Variants in HTR4 observed in about 807,000 individuals in gnomAD.
HTR4 encodes the protein 5-hydroxytryptamine receptor 4, also known as 5-hydroxytryptamine (serotonin) receptor 4, G protein-coupled.
Under a neutral mutation model 36.8 loss-of-function variants are expected in HTR4, and 16 were observed. That is an observed-to-expected ratio of 0.43 (90% CI 0.29 to 0.66). HTR4 has a LOEUF of 0.66. HTR4 is among the 30% of genes least tolerant of loss of function. HTR4 has a pLI of 0.13. For missense variants in HTR4, 438 were observed against 490.9 expected (o/e 0.89, Z 1.02); for synonymous variants, 189 against 185.1 (o/e 1.02, Z -0.17).
At chr5:148,479,807 T>C (rs1755818316), downstream of HTR4, among the ~76,000 whole-genome samples, 2 of 152,242 alleles carry the variant, frequency 1.3e-5, no homozygotes, top group African/African-American at 4.8e-5. Flanking sequence ...ACATGTACTT[T>C]ATATGTTGAT....
intron 6 of HTR4, among the ~76,000 whole-genome samples, chr5:148,504,729 A>G (rs977755251): frequency 1.3e-5 from 2 of 152,112 alleles, no homozygotes; most frequent in African/African-American, 2.4e-5. Flanking sequence ...AAGATCAACA[A>G]AATTGATAGA....
At position 148,638,867 on chromosome 5, in the gene HTR4, C is replaced by T. The variant is rs983283985; in HGVS notation, c.-47-1806G>A. On this transcript the variant is annotated intron_variant, in intron 1 of 6. Transcript: ENST00000377888. ...CCCAGGAGTTTGAGACCAGCCTGGG[C>T]AACGTGGCAAAACCCCATCTCCACA... 2.6e-5 allele frequency among the ~76,000 whole-genome samples: 4 copies of T among 152,114 alleles called. No homozygotes were observed. In the East Asian group the frequency reaches 5.8e-4, roughly 22 times the overall value.
intron 2 of HTR4, among the ~76,000 whole-genome samples, chr5:148,627,211 C>T (rs1041677958): frequency 6.6e-6 from 1 of 152,196 alleles, no homozygotes; most frequent in South Asian, 2.1e-4. Context: ...ATGCTTCCTA[C>T]ATGCCTAACA....
At chr5:148,622,697 T>A (rs1752957902) in intron 2 of HTR4, among the ~76,000 whole-genome samples, 1 of 152,246 alleles carries the variant, frequency 6.6e-6, no homozygotes, top group African/African-American at 2.4e-5. Flanking sequence ...TAAGTTGGGT[T>A]AATGATACTT....
intron 1 of HTR4, among the ~76,000 whole-genome samples, chr5:148,652,298 G>C (rs1754063425): frequency 2.0e-5 from 3 of 152,192 alleles, no homozygotes; most frequent in East Asian, 1.9e-4. Context: ...GGCAGCTACT[G>C]ATGAAGGAAG....
intron 2 of HTR4, among the ~76,000 whole-genome samples, chr5:148,597,478 G>C (rs1239379701): frequency 1.3e-5 from 2 of 152,076 alleles, no homozygotes; most frequent in East Asian, 3.9e-4. Context: ...AGCTACCAAA[G>C]TCCCTAATGC....
At chr5:148,476,696 A>AG (rs1247756234), downstream of HTR4, 1 of 1,610,018 alleles carries the variant, frequency 6.2e-7, no homozygotes, top group Admixed American at 1.7e-5. Flanking sequence ...GGCACTAAGA[A>AG]AAAAAAATGA....
At chr5:148,567,070 C>G (rs1298978099) in intron 2 of HTR4, among the ~76,000 whole-genome samples, 1 of 152,042 alleles carries the variant, frequency 6.6e-6, no homozygotes, top group Non-Finnish European at 1.5e-5. Context: ...ATTAAACTTA[C>G]TAATTGGCGT....
chr5:148,503,819 C>CA lies in HTR4; in HGVS notation c.1076+5636dup, dbSNP rs757010518. ...GAAGATCTACCAAGCAACTGGAAAACAAAAAAAAGGCAGGGCTTGCAATCC... is the reference window on the plus strand; with the variant it reads ...GAAGATCTACCAAGCAACTGGAAAACAAAAAAAAAGGCAGGGCTTGCAATCC... On this transcript the variant is annotated intron_variant, in intron 6 of 6. Coordinates refer to ENST00000377888, the MANE Select transcript of HTR4 (RefSeq NM_000870.7). Among the ~76,000 whole-genome samples, 445 of 150,974 alleles carry CA rather than the reference C, an allele frequency of 2.9e-3. 1 individual carries two copies. Among genetic ancestry groups the CA allele is most frequent in the Non-Finnish European group, 3.7e-3 (247 of 67,666 alleles).
At chr5:148,525,689 C>T (rs1758235875) in intron 4 of HTR4, among the ~76,000 whole-genome samples, 1 of 152,162 alleles carries the variant, frequency 6.6e-6, no homozygotes, top group Admixed American at 6.6e-5. Context: ...CCTTAGCTCT[C>T]TCTTTAAATA....
chr5:148,497,931 A>G (rs1756759965), intron 6 of HTR4, among the ~76,000 whole-genome samples: 1 of 152,250 alleles, frequency 6.6e-6, no homozygotes, highest in Admixed American at 6.5e-5. Flanking sequence ...AAATGGTGTC[A>G]TCATTCAACC....
intron 2 of HTR4, among the ~76,000 whole-genome samples, chr5:148,611,129 C>G (rs1303454723): frequency 6.9e-6 from 1 of 145,966 alleles, no homozygotes; most frequent in East Asian, 2.1e-4. Flanking sequence ...GAGAATTTCC[C>G]CAATCTAGCA....
intron 2 of HTR4, among the ~76,000 whole-genome samples, chr5:148,620,316 A>G (rs1056010155): frequency 4.6e-5 from 7 of 152,270 alleles, no homozygotes; most frequent in Non-Finnish European, 8.8e-5. Context: ...TCATAGCAGA[A>G]CCAGGCACAG....
intron 2 of HTR4, among the ~76,000 whole-genome samples, chr5:148,557,636 G>C (rs1760014573): frequency 6.6e-6 from 1 of 151,990 alleles, no homozygotes; most frequent in Non-Finnish European, 1.5e-5. Context: ...ATGTGCAGTA[G>C]AGAAGGTAGA....
At chr5:148,455,669 C>G (rs931641223) in intron 5 of HTR4, among the ~76,000 whole-genome samples, 1 of 152,080 alleles carries the variant, frequency 6.6e-6, no homozygotes, top group African/African-American at 2.4e-5. Flanking sequence ...GGTTGCTGAT[C>G]CCCTGTGCAG....
chr5:148,503,787 G>T (rs1421873373), intron 6 of HTR4, among the ~76,000 whole-genome samples: 1 of 152,104 alleles, frequency 6.6e-6, no homozygotes, highest in East Asian at 1.9e-4. Flanking sequence ...AAAATAAAGG[G>T]ATGGAGGAAG....
At chr5:148,622,916 A>T (rs1752966289) in intron 2 of HTR4, among the ~76,000 whole-genome samples, 1 of 152,250 alleles carries the variant, frequency 6.6e-6, no homozygotes, top group Admixed American at 6.5e-5. Flanking sequence ...TATGTACGCA[A>T]GTACCCCTAA....
At chr5:148,552,505 AC>A (rs1429495003) in intron 2 of HTR4, among the ~76,000 whole-genome samples, 2 of 152,116 alleles carry the variant, frequency 1.3e-5, no homozygotes, top group Admixed American at 6.5e-5. Context: ...CTTCTTAGAG[AC>A]TAACGGCCCC....
intron 4 of HTR4, among the ~76,000 whole-genome samples, chr5:148,523,560 C>T (rs888893908): frequency 2.0e-5 from 3 of 150,732 alleles, no homozygotes; most frequent in Non-Finnish European, 4.4e-5. Context: ...GAGCAAGTGG[C>T]AGAGGAAGGG....
Sources: gnomAD v4.1 joint callset for allele counts (sites outside exome capture counted in the v4.1 genomes callset) on GRCh38, gnomAD v4.1.1 for gene constraint, MANE v1.5 for transcripts, NCBI Gene and HGNC (gene_info 2026-07-23, HGNC 2026-07-21) for gene names.